Variants in CHRM3 observed in about 807,000 individuals in gnomAD.
CHRM3 encodes muscarinic acetylcholine receptor M3.
A neutral mutation model predicts 41.8 loss-of-function variants in CHRM3; 11 were observed. The ratio of observed to expected loss-of-function variants is 0.26; its 90% CI spans 0.17 to 0.44. The LOEUF (loss-of-function observed/expected upper bound fraction) is 0.44. Among genes scored for constraint, CHRM3 ranks in the 20% least tolerant of loss-of-function variants. The probability of loss-of-function intolerance (pLI) is 1.00; values close to 1 mark genes in which losing one functional copy is unlikely to be tolerated. For missense variants in CHRM3, 571 were observed against 745.4 expected, an observed-to-expected ratio of 0.77 and a Z score of 2.72; for synonymous variants, 297 against 301.4, an observed-to-expected ratio of 0.99 and a Z score of 0.15.
intron 6 of CHRM3, among the ~76,000 whole-genome samples, chr1:239,876,395 T>C (rs925296371): frequency 6.6e-6 from 1 of 152,162 alleles, no homozygotes; most frequent in Admixed American, 6.5e-5. Context: ...GGTGACATGA[T>C]AGCGAGGTAT....
chr1:239,774,484 A>T (rs2148751865), intron 5 of CHRM3, among the ~76,000 whole-genome samples: 1 of 152,320 alleles, frequency 6.6e-6, no homozygotes, highest in East Asian at 1.9e-4. Context: ...AGAAAAAGAA[A>T]ATTCAATTTA....
rs547159212 is a variant in CHRM3 at position 239,681,878 on chromosome 1, G to A, written c.-147+3590G>A. Reference sequence around the variant, plus strand: ...CATGCCACTGCACTCCAGCCTGGGAGCAATAACTGGTCTCAAAAAAAAAGA... The same window carrying A: ...CATGCCACTGCACTCCAGCCTGGGAACAATAACTGGTCTCAAAAAAAAAGA... On this transcript the variant is annotated intron_variant, in intron 5 of 6. Coordinates refer to ENST00000676153, the MANE Select transcript of CHRM3 (RefSeq NM_001375978.1). Among the ~76,000 whole-genome samples the A allele has an allele frequency of 1.8e-3, 267 of 152,154 alleles. 1 individual carries two copies. The highest frequency in any genetic ancestry group is 6.8e-3 in the Middle Eastern group (2 of 294).
chr1:239,780,070 G>A (rs934354447), intron 5 of CHRM3, among the ~76,000 whole-genome samples: 2 of 152,184 alleles, frequency 1.3e-5, no homozygotes, highest in African/African-American at 4.8e-5. Context: ...TAGCAATTAT[G>A]AATAAAGTTG....
intron 4 of CHRM3, among the ~76,000 whole-genome samples, chr1:239,674,467 T>A (rs1435377622): frequency 6.6e-6 from 1 of 152,066 alleles, no homozygotes; most frequent in African/African-American, 2.4e-5. Flanking sequence ...CTCAGCACTT[T>A]GGGAGGCCCA....
chr1:239,742,546 A>C (rs1175705157), intron 5 of CHRM3, among the ~76,000 whole-genome samples: 3 of 152,160 alleles, frequency 2.0e-5, no homozygotes, highest in Admixed American at 2.0e-4. Flanking sequence ...TGGAGGCAGC[A>C]GTCCTCTGAA....
At chr1:239,858,888 T>A (rs1572509099) in intron 6 of CHRM3, among the ~76,000 whole-genome samples, 1 of 152,224 alleles carries the variant, frequency 6.6e-6, no homozygotes, top group East Asian at 1.9e-4. Flanking sequence ...CTTCTTTTGC[T>A]TAGCAGAACG....
intron 6 of CHRM3, among the ~76,000 whole-genome samples, chr1:239,887,169 T>C (rs1678142510): frequency 6.6e-6 from 1 of 152,030 alleles, no homozygotes; most frequent in African/African-American, 2.4e-5. Context: ...AATTTCATGG[T>C]GTGTCATGGG....
chr1:239,640,644 ATCC>A (rs1671024281), intron 4 of CHRM3, among the ~76,000 whole-genome samples: 1 of 147,832 alleles, frequency 6.8e-6, no homozygotes, highest in African/African-American at 2.5e-5. Flanking sequence ...TGTCTATTTG[ATCC>A]TTCTCTCTTT....
chr1:239,869,657 AC>A (rs201786437), intron 6 of CHRM3, among the ~76,000 whole-genome samples: 1 of 151,034 alleles, frequency 6.6e-6, no homozygotes, highest in South Asian at 2.1e-4. Context: ...TCTTCCTCTG[AC>A]CCCCCCAGAG....
intron 6 of CHRM3, among the ~76,000 whole-genome samples, chr1:239,839,990 A>G (rs530465353): frequency 2.1e-4 from 32 of 152,132 alleles, no homozygotes; most frequent in Non-Finnish European, 7.4e-5. Context: ...TGTTAATACA[A>G]TTTTTTATTA....
Position 239,911,913 on chromosome 1 carries a change from T to A in CHRM3, c.*2689T>A, listed in dbSNP as rs1044730418. 6 of 167,030 alleles carry A rather than the reference T, an allele frequency of 3.6e-5. No individual in the cohort carries two copies. The highest frequency in any genetic ancestry group is 1.4e-4 in the African/African-American group (6 of 41,442). The allele number at this position is 167,030 out of a possible 1,614,324, so 10.3% of individuals were successfully genotyped here. A position where few individuals can be genotyped will look rare whatever the true frequency, so the allele number is the denominator to read the frequency against. On this transcript the variant is annotated 3_prime_UTR_variant, in exon 7 of 7. Coordinates refer to ENST00000676153, the MANE Select transcript of CHRM3 (RefSeq NM_001375978.1). ...GCATAATTGAAGATGTAGTGAGTAT[T>A]TATAATTGGACCTTAGTTACACGTG...
At chr1:239,787,214 CAG>C (rs776606903) in intron 5 of CHRM3, among the ~76,000 whole-genome samples, 2 of 152,116 alleles carry the variant, frequency 1.3e-5, no homozygotes, top group Non-Finnish European at 2.9e-5. Context: ...TCTGCAATGC[CAG>C]AGTCATCTCA....
At chr1:239,767,509 C>G (rs1039485089) in intron 5 of CHRM3, among the ~76,000 whole-genome samples, 1 of 152,102 alleles carries the variant, frequency 6.6e-6, no homozygotes, top group African/African-American at 2.4e-5. Context: ...TGATATTCTC[C>G]TTTGATTGTA....
At chr1:239,744,828 G>T (rs564500022) in intron 5 of CHRM3, among the ~76,000 whole-genome samples, 2 of 152,298 alleles carry the variant, frequency 1.3e-5, no homozygotes, top group Admixed American at 1.3e-4. Context: ...CAGCAGCTCA[G>T]AGAGGGAAGA....
chr1:239,580,715 A>ACT, intron 3 of CHRM3, among the ~76,000 whole-genome samples: 1 of 144,144 alleles, frequency 6.9e-6, no homozygotes, highest in Non-Finnish European at 1.5e-5. Context: ...ACACACACAC[A>ACT]CACACACACA....
At chr1:239,810,869 C>T (rs1227029330) in intron 5 of CHRM3, among the ~76,000 whole-genome samples, 3 of 152,180 alleles carry the variant, frequency 2.0e-5, no homozygotes, top group Non-Finnish European at 4.4e-5. Context: ...TTCTGAAAAT[C>T]GCCATCTGTA....
chr1:239,471,159 T>A (rs1666092914), intron 1 of CHRM3, among the ~76,000 whole-genome samples: 1 of 152,214 alleles, frequency 6.6e-6, no homozygotes, highest in Non-Finnish European at 1.5e-5. Flanking sequence ...AGATAATGAA[T>A]CACTAATTTT....
chr1:239,602,935 CTGT>C (rs1383486592), intron 3 of CHRM3, among the ~76,000 whole-genome samples: 1 of 152,186 alleles, frequency 6.6e-6, no homozygotes, highest in Non-Finnish European at 1.5e-5. Context: ...ACTAAGTACA[CTGT>C]TGTTGTGCAA....
intron 5 of CHRM3, among the ~76,000 whole-genome samples, chr1:239,789,668 G>C (rs1006409879): frequency 6.6e-6 from 1 of 152,112 alleles, no homozygotes; most frequent in Non-Finnish European, 1.5e-5. Context: ...AACTAAGAGC[G>C]AACTTACTCA....
Sources: gnomAD v4.1 joint callset for allele counts (sites outside exome capture counted in the v4.1 genomes callset) on GRCh38, gnomAD v4.1.1 for gene constraint, MANE v1.5 for transcripts, NCBI Gene and HGNC (gene_info 2026-07-23, HGNC 2026-07-21) for gene names.